Variants in PRKN observed in about 807,000 individuals in gnomAD.
The protein encoded by PRKN is E3 ubiquitin-protein ligase parkin.
In PRKN, 56 loss-of-function variants were observed where a neutral mutation model predicts 59.5. The ratio of observed to expected loss-of-function variants is 0.94; its 90% CI spans 0.76 to 1.18. The LOEUF is 1.18. PRKN is among the 50% of genes most tolerant of loss of function. The pLI is 0.00. For synonymous variants in PRKN, 250 were observed against 222.1 expected (o/e 1.13, Z -1.12); for missense variants, 657 against 596.4 (o/e 1.10, Z -1.06).
chr6:162,706,427 T>C (rs1288761308), intron 1 of PRKN, among the ~76,000 whole-genome samples: 1 of 152,172 alleles, frequency 6.6e-6, no homozygotes, highest in Non-Finnish European at 1.5e-5. Context: ...TCAAAGAAAC[T>C]TTTTAGCTTC....
chr6:161,406,742 A>T (rs140298277), intron 9 of PRKN, among the ~76,000 whole-genome samples: 1 of 152,174 alleles, frequency 6.6e-6, no homozygotes, highest in Non-Finnish European at 1.5e-5. Context: ...AAGCATTTCA[A>T]ATGTACATAC....
chr6:162,703,377 T>C (rs1304615321), intron 1 of PRKN, among the ~76,000 whole-genome samples: 2 of 152,246 alleles, frequency 1.3e-5, no homozygotes, highest in Non-Finnish European at 2.9e-5. Context: ...TTTCTAATTC[T>C]TGTCAATTAA....
At chr6:161,438,153 T>C (rs1182530145) in intron 9 of PRKN, among the ~76,000 whole-genome samples, 1 of 152,064 alleles carries the variant, frequency 6.6e-6, no homozygotes, top group African/African-American at 2.4e-5. Flanking sequence ...AGTTTTGTTA[T>C]TAAATGGAAT....
intron 9 of PRKN, among the ~76,000 whole-genome samples, chr6:161,403,713 C>T (rs1171844460): frequency 3.9e-5 from 6 of 152,158 alleles, no homozygotes; most frequent in Admixed American, 3.9e-4. Context: ...GGTTTGAATG[C>T]TTGGCCTCTC....
At chr6:161,660,217 C>T (rs1784493243) in intron 7 of PRKN, among the ~76,000 whole-genome samples, 1 of 152,132 alleles carries the variant, frequency 6.6e-6, no homozygotes, top group South Asian at 2.1e-4. Flanking sequence ...CCTTGATTCA[C>T]GTAGTACGCA....
intron 7 of PRKN, among the ~76,000 whole-genome samples, chr6:161,683,374 G>A (rs1411229232): frequency 6.6e-6 from 1 of 152,168 alleles, no homozygotes; most frequent in Admixed American, 6.5e-5. Flanking sequence ...ATCTGCACTC[G>A]ATCTTAGCCA....
chr6:161,899,216 T>C (rs1046542369), intron 6 of PRKN, among the ~76,000 whole-genome samples: 1 of 152,216 alleles, frequency 6.6e-6, no homozygotes, highest in Admixed American at 6.5e-5. Context: ...AGGGAGATAT[T>C]TGCATAAATA....
chr6:161,374,204 C>T (rs896353466), intron 10 of PRKN, among the ~76,000 whole-genome samples: 2 of 151,824 alleles, frequency 1.3e-5, no homozygotes, highest in East Asian at 1.9e-4. Context: ...TGTTATGTAT[C>T]TGTGTGTGGT....
At chr6:162,238,521 C>T (rs932258969) in intron 3 of PRKN, among the ~76,000 whole-genome samples, 2 of 152,162 alleles carry the variant, frequency 1.3e-5, no homozygotes, top group South Asian at 2.1e-4. Flanking sequence ...AAGCAACTTA[C>T]ATACATAATT....
intron 6 of PRKN, among the ~76,000 whole-genome samples, chr6:161,874,901 A>C (rs1371012685): frequency 9.2e-6 from 1 of 109,084 alleles, no homozygotes; most frequent in Non-Finnish European, 1.6e-5. Context: ...ATAATATATA[A>C]TATATATTAT....
At position 162,394,329 on chromosome 6, in the gene PRKN, G is replaced by A. The variant is rs190949795; in HGVS notation, c.171+48981C>T. 6.6e-5 allele frequency among the ~76,000 whole-genome samples: 10 copies of A among 152,232 alleles called. No homozygotes were observed. The South Asian group carries it at 8.3e-4, about 13-fold the overall frequency. On this transcript the variant is annotated intron_variant, in intron 2 of 11. Coordinates refer to ENST00000366898, the MANE Select transcript of PRKN (RefSeq NM_004562.3). ...AGAGGTCCTGGCCTAAAATGAACAC[G>A]TACTTCCACGAGCTTCGGGTGTGAT...
chr6:162,323,223 A>G (rs534572346), intron 2 of PRKN, among the ~76,000 whole-genome samples: 101 of 151,864 alleles, frequency 6.7e-4, no homozygotes, highest in Admixed American at 3.5e-3. Flanking sequence ...AACTTAAAGT[A>G]TAATAAAAAA....
At position 162,357,708 on chromosome 6, in the gene PRKN, T is replaced by C. The variant is rs1784933785; in HGVS notation, c.171+85602A>G. 2.0e-5 allele frequency among the ~76,000 whole-genome samples: 3 copies of C among 152,196 alleles called. No individual in the cohort carries two copies. The South Asian group carries it at 6.2e-4, about 31-fold the overall frequency. ...AGGTGAATGAACAAACTCTGGTTTA[T>C]CCTTACAATAGAATATTATGCAGCA... On this transcript the variant is annotated intron_variant, in intron 2 of 11. Transcript: ENST00000366898.
At chr6:162,548,381 T>C (rs1779204667) in intron 1 of PRKN, among the ~76,000 whole-genome samples, 1 of 152,114 alleles carries the variant, frequency 6.6e-6, no homozygotes, top group Admixed American at 6.6e-5. Context: ...TTTTTAAACA[T>C]TCAGAAAAAT....
chr6:161,494,732 G>T (rs1391633515), intron 9 of PRKN, among the ~76,000 whole-genome samples: 1 of 152,176 alleles, frequency 6.6e-6, no homozygotes, highest in African/African-American at 2.4e-5. Context: ...CCATCTTACG[G>T]GCAAAGAAAT....
intron 7 of PRKN, among the ~76,000 whole-genome samples, chr6:161,620,674 A>G (rs1326992995): frequency 2.0e-5 from 3 of 152,200 alleles, no homozygotes; most frequent in African/African-American, 4.8e-5. Context: ...TCCAACTTCT[A>G]GAGTTTACAT....
At chr6:162,232,291 G>T (rs1778456855) in intron 3 of PRKN, among the ~76,000 whole-genome samples, 2 of 152,094 alleles carry the variant, frequency 1.3e-5, no homozygotes, top group Non-Finnish European at 2.9e-5. Context: ...CAGGGCCTTT[G>T]CAGCTCCCCT....
intron 4 of PRKN, among the ~76,000 whole-genome samples, chr6:162,054,979 T>C (rs1204859039): frequency 1.3e-5 from 2 of 152,110 alleles, no homozygotes; most frequent in African/African-American, 4.8e-5. Context: ...CTGACTAACA[T>C]GGCGAAACCC....
chr6:162,023,116 C>T (rs1406928756), intron 5 of PRKN, among the ~76,000 whole-genome samples: 1 of 152,016 alleles, frequency 6.6e-6, no homozygotes, highest in Non-Finnish European at 1.5e-5. Context: ...CCCTGCTGCT[C>T]CAACCTCTAG....
Sources: gnomAD v4.1 joint callset for allele counts (sites outside exome capture counted in the v4.1 genomes callset) on GRCh38, gnomAD v4.1.1 for gene constraint, MANE v1.5 for transcripts, NCBI Gene and HGNC (gene_info 2026-07-23, HGNC 2026-07-21) for gene names.